The following CCSER2 variants were observed in gnomAD, a reference collection of about 807,000 sequenced individuals.
The protein encoded by CCSER2 is coiled-coil serine rich protein 2, also known as serine-rich coiled-coil domain-containing protein 2.
In CCSER2, 46 loss-of-function variants were observed where a neutral mutation model predicts 92.3. That is an observed-to-expected ratio of 0.50 (90% confidence interval 0.39 to 0.64). The LOEUF is 0.64. CCSER2 is among the 30% of genes least tolerant of loss of function. The pLI, the probability that CCSER2 is intolerant of heterozygous loss-of-function variation, is 0.00. For missense variants in CCSER2, 1,244 were observed against 1,238.9 expected, an observed-to-expected ratio of 1.00 and a Z score of -0.06; for synonymous variants, 433 against 431.4, an observed-to-expected ratio of 1.00 and a Z score of -0.04.
intron 3 of CCSER2, among the ~76,000 whole-genome samples, chr10:84,377,709 G>A (rs1190385767): frequency 6.6e-6 from 1 of 152,168 alleles, no homozygotes; most frequent in Non-Finnish European, 1.5e-5. Flanking sequence ...TGAATTTATA[G>A]ATGATTTTGG....
intron 1 of CCSER2, among the ~76,000 whole-genome samples, chr10:84,339,113 CT>C (rs997627427): frequency 1.3e-4 from 17 of 135,608 alleles, no homozygotes; most frequent in East Asian, 2.1e-4. Flanking sequence ...CTTTTCTTTT[CT>C]TTTTTTTTTG....
Position 84,373,688 on chromosome 10 carries a change from G to A in CCSER2, c.1487G>A (p.Gly496Asp). 1 of 1,613,662 alleles carries A rather than the reference G, an allele frequency of 6.2e-7. No homozygotes were observed. Among genetic ancestry groups the A allele is most frequent in the Non-Finnish European group, 8.5e-7 (1 of 1,179,740 alleles). Reference sequence around the variant, plus strand: ...TCACCAGATACAGACTACAGAGCTGGTTCTTCGTTTGAACTCTCTCCATCT... The same window carrying A: ...TCACCAGATACAGACTACAGAGCTGATTCTTCGTTTGAACTCTCTCCATCT... ...LVSPDTDYRAGSSFELSPSDS... is the reference protein window; with the variant it reads ...LVSPDTDYRADSSFELSPSDS... The change falls in exon 3 of 10, where the codon GGT (glycine) becomes GAT (aspartate). Residue 496 changes from glycine (G) to aspartate (D), a missense_variant. Transcript: ENST00000372088.
chr10:84,335,739 T>C (rs1445812993), intron 1 of CCSER2, among the ~76,000 whole-genome samples: 7 of 152,190 alleles, frequency 4.6e-5, no homozygotes, highest in African/African-American at 1.7e-4. Flanking sequence ...ATTAATGATA[T>C]TTCGTTGCAG....
In CCSER2 at chr10:84,345,202, A is replaced by G. The variant is rs760501452; in HGVS notation, c.-40+16394A>G. ...TACTAGCTAGTAAGATTCTAGATTAAGAAATGAGGAGAGGACAGGACGGGT... is the reference window on the plus strand; with the variant it reads ...TACTAGCTAGTAAGATTCTAGATTAGGAAATGAGGAGAGGACAGGACGGGT... On this transcript the variant is annotated intron_variant, in intron 1 of 9. Transcript: ENST00000372088. Among the ~76,000 whole-genome samples the G allele has an allele frequency of 4.6e-5, 7 of 152,198 alleles. 1 individual carries two copies. Among genetic ancestry groups the G allele is most frequent in the Non-Finnish European group, 8.8e-5 (6 of 68,038 alleles).
rs771309469 is a variant in CCSER2 at position 84,372,201 on chromosome 10, T to C, written c.1149T>C (p.His383=). ...CAAAAAACAACCAGACCATGAAACATGATGCTAAAATGAGATACCTGAGTG... is the reference window on the plus strand; with the variant it reads ...CAAAAAACAACCAGACCATGAAACACGATGCTAAAATGAGATACCTGAGTG... ...YRTKNNQTMK[H]DAKMRYLSDD... The change falls in exon 2 of 10, where the codon CAT becomes CAC. Residue 383 remains histidine (H), a synonymous_variant. Coordinates refer to ENST00000372088, the MANE Select transcript of CCSER2 (RefSeq NM_001284240.2). 6 of 1,613,542 alleles carry C rather than the reference T, an allele frequency of 3.7e-6. No individual in the cohort carries two copies. The highest frequency in any genetic ancestry group is 4.2e-6 in the Non-Finnish European group (5 of 1,179,748).
At chr10:84,491,386 A>C (rs1163783348) in intron 9 of CCSER2, among the ~76,000 whole-genome samples, 1 of 152,140 alleles carries the variant, frequency 6.6e-6, no homozygotes, top group African/African-American at 2.4e-5. Context: ...GGTGGGCTCC[A>C]CCCAGTTCGA....
intron 3 of CCSER2, chr10:84,389,500 C>A: frequency 3.4e-6 from 1 of 290,890 alleles, no homozygotes; most frequent in South Asian, 3.0e-5. Flanking sequence ...TTCTCAGATC[C>A]TTCGAGGTAC....
At chr10:84,342,656 C>T (rs565596881) in intron 1 of CCSER2, among the ~76,000 whole-genome samples, 1 of 152,296 alleles carries the variant, frequency 6.6e-6, no homozygotes, top group African/African-American at 2.4e-5. Flanking sequence ...TGCAGCAAAA[C>T]CTTCTACATT....
intron 6 of CCSER2, among the ~76,000 whole-genome samples, chr10:84,456,554 C>T (rs1042709258): frequency 2.6e-5 from 4 of 152,086 alleles, no homozygotes; most frequent in African/African-American, 9.7e-5. Flanking sequence ...CATTTGTTTA[C>T]AGATTTTCAT....
chr10:84,346,515 G>A (rs1050686663), intron 1 of CCSER2, among the ~76,000 whole-genome samples: 25 of 152,230 alleles, frequency 1.6e-4, no homozygotes, highest in Non-Finnish European at 3.2e-4. Context: ...TATACCTAGG[G>A]ATACCCAGCT....
intron 3 of CCSER2, among the ~76,000 whole-genome samples, chr10:84,387,808 G>T (rs1841305128): frequency 6.6e-6 from 1 of 150,892 alleles, no homozygotes; most frequent in Non-Finnish European, 1.5e-5. Flanking sequence ...GATTACAGGT[G>T]TGAGCCACCG....
rs187640510 is a variant in CCSER2, at chr10:84,433,290, C to A, written c.1869-5222C>A. On this transcript the variant is annotated intron_variant, in intron 5 of 9. Transcript: ENST00000372088. ...TGATTGGGATTGTCTTAAAATGTTA[C>A]CACAAACATAAAAATACGTACATTT... Among the ~76,000 whole-genome samples, 15 of 152,200 alleles carry A rather than the reference C, an allele frequency of 9.9e-5. No individual in the cohort carries two copies. The East Asian group carries it at 2.9e-3, about 29-fold the overall frequency.
chr10:84,457,364 T>TTTTAAATATATATTTTAAATATATATTTA (rs1208552623), intron 6 of CCSER2, among the ~76,000 whole-genome samples: 40 of 77,722 alleles, frequency 5.1e-4, no homozygotes, highest in Non-Finnish European at 6.8e-4. Context: ...TATATATTTA[T>TTTTAAATATATATTTTAAATATATATTTA]TTTAAATATA....
intron 5 of CCSER2, 27 bp from the exon 6 acceptor site, chr10:84,438,485 C>A: frequency 7.8e-7 from 1 of 1,281,876 alleles, no homozygotes; most frequent in South Asian, 1.5e-5. Context: ...ATATCTTTTC[C>A]CTCCACCTTC....
intron 4 of CCSER2, among the ~76,000 whole-genome samples, chr10:84,422,880 C>G (rs574350103): frequency 4.6e-5 from 7 of 152,066 alleles, no homozygotes; most frequent in African/African-American, 7.2e-5. Flanking sequence ...ATGGTGAAAC[C>G]CCTTCTCTAC....
chr10:84,410,690 A>G (rs1287987046), intron 3 of CCSER2, among the ~76,000 whole-genome samples: 6 of 152,194 alleles, frequency 3.9e-5, no homozygotes, highest in East Asian at 3.8e-4. Context: ...ATAGATTGCA[A>G]AAATTTTTCT....
chr10:84,451,822 T>A (rs1219312681), intron 6 of CCSER2, among the ~76,000 whole-genome samples: 1 of 152,220 alleles, frequency 6.6e-6, no homozygotes, highest in South Asian at 2.1e-4. Flanking sequence ...GTCTTTGCCC[T>A]GACCATCTGT....
At chr10:84,382,924 A>G (rs1394903773) in intron 3 of CCSER2, among the ~76,000 whole-genome samples, 4 of 152,244 alleles carry the variant, frequency 2.6e-5, no homozygotes, top group African/African-American at 9.6e-5. Flanking sequence ...TCATGAGGCT[A>G]ACACATTTTA....
intron 5 of CCSER2, 102 bp downstream of exon 5, chr10:84,425,995 G>A (rs939738061): frequency 1.1e-5 from 8 of 728,728 alleles, no homozygotes; most frequent in Admixed American, 3.8e-5. Flanking sequence ...TGTCTGGTTT[G>A]TTTTTAGAGG....
Sources: gnomAD v4.1 joint callset for allele counts (sites outside exome capture counted in the v4.1 genomes callset) on GRCh38, gnomAD v4.1.1 for gene constraint, MANE v1.5 for transcripts, NCBI Gene and HGNC (gene_info 2026-07-23, HGNC 2026-07-21) for gene names.